CDHR2: variants seen among roughly 807,000 people sequenced by gnomAD.
The protein encoded by CDHR2 is cadherin-related family member 2.
A neutral mutation model predicts 138.6 loss-of-function variants in CDHR2; 104 were observed. That is an observed-to-expected ratio of 0.75 (90% CI 0.64 to 0.88). The LOEUF (loss-of-function observed/expected upper bound fraction) is 0.88. CDHR2 is among the 40% of genes least tolerant of loss of function. The probability of loss-of-function intolerance (pLI) is 0.00; values close to 1 mark genes in which losing one functional copy is unlikely to be tolerated. For missense variants in CDHR2, 1,624 were observed against 1,727.6 expected (o/e 0.94, Z 1.06); for synonymous variants, 755 against 742.8 (o/e 1.02, Z -0.27).
chr5:176,567,156 G>T (rs1758103717), intron 3 of CDHR2: 10 of 364,114 alleles, frequency 2.7e-5, no homozygotes, highest in South Asian at 2.1e-4. Flanking sequence ...GGCTGGAGAG[G>T]GAGGAGTGCA....
intron 1 of CDHR2, among the ~76,000 whole-genome samples, chr5:176,557,608 CGGGCT>C (rs2113263218): frequency 1.4e-5 from 2 of 145,986 alleles, no homozygotes; most frequent in South Asian, 4.3e-4. Flanking sequence ...CTCTGTCGCC[CGGGCT>C]GGAGTGCAGT....
chr5:176,544,940 G>C (rs561398663), upstream of CDHR2, among the ~76,000 whole-genome samples: 160 of 152,312 alleles, frequency 1.1e-3, no homozygotes, highest in African/African-American at 3.6e-3. Flanking sequence ...CTCTAAGGCT[G>C]TGCACTAGGT....
chr5:176,557,031 T>A (rs1276279957), intron 1 of CDHR2, among the ~76,000 whole-genome samples: 4 of 134,414 alleles, frequency 3.0e-5, no homozygotes, highest in Admixed American at 8.4e-5. Context: ...TTTTTTTTTT[T>A]AGCAGTGGAT....
At chr5:176,557,560 A>ATTTTTTTTT (rs5873538) in intron 1 of CDHR2, among the ~76,000 whole-genome samples, 4 of 87,428 alleles carry the variant, frequency 4.6e-5, no homozygotes, top group African/African-American at 9.3e-5. Context: ...ACCTTCTTAG[A>ATTTTTTTTT]TTTTTTTTTT....
intron 30 of CDHR2, 99 bp from the exon 31 acceptor site, chr5:176,592,597 GGTGGTGATGGTGATGATGGTGGTAGTC>G (rs1265705442): frequency 5.3e-6 from 4 of 747,866 alleles, no homozygotes; most frequent in African/African-American, 5.1e-5. Flanking sequence ...TGATGGTGGT[GGTGGTGATGGTGATGATGGTGGTAGTC>G]GTGGTGATGG....
Position 176,571,270 on chromosome 5 carries a change from C to T in CDHR2, c.373C>T (p.Gln125Ter), listed in dbSNP as rs201052984. The change falls in exon 6 of 32, where the codon CAG becomes TAG. Residue 125 changes from glutamine to a stop codon, truncating the protein, a stop_gained. Coordinates refer to ENST00000261944, the MANE Select transcript of CDHR2 (RefSeq NM_017675.6). LOFTEE classifies it high-confidence loss of function. The stretch of plus-strand genomic sequence containing the variant: ...TAGAAACGACAACGCACCCGTTTTC[C>T]AGAACACCGCTTTCTCCACCAGCAT... Reference protein sequence around the residue: ...EDRNDNAPVFQNTAFSTSINE... With the variant: ...EDRNDNAPVF The T allele has an allele frequency of 1.2e-6, 2 of 1,611,316 alleles. No homozygotes were observed. Among genetic ancestry groups the T allele is most frequent in the East Asian group, 4.5e-5 (2 of 44,622 alleles).
intron 31 of CDHR2, among the ~76,000 whole-genome samples, chr5:176,594,079 A>G (rs1758956021): frequency 6.6e-6 from 1 of 151,912 alleles, no homozygotes; most frequent in African/African-American, 2.4e-5. Flanking sequence ...GGAGTTAAGG[A>G]CCCCCTGAGG....
rs1227789409 is a variant in CDHR2, at chr5:176,553,723, C to G, written c.-16+4309C>G. ...CTCACCTGCGTCTCCACCGCCAGCC[C>G]CGCCACCACCACCATCTCCCTCCCC... On this transcript the variant is annotated intron_variant, in intron 1 of 31. Transcript: ENST00000261944. This position sits in a 1 kb window ranked among gnomAD's most constrained non-coding sequence, Gnocchi z 4.3. 1.3e-5 allele frequency among the ~76,000 whole-genome samples: 2 copies of G among 152,054 alleles called. No individual in the cohort carries two copies. The highest frequency in any genetic ancestry group is 2.9e-5 in the Non-Finnish European group (2 of 67,974).
At chr5:176,568,626 C>G in intron 3 of CDHR2, 52 bp from the exon 4 acceptor site, 1 of 1,599,562 alleles carries the variant, frequency 6.3e-7, no homozygotes, top group Non-Finnish European at 8.5e-7. Context: ...TTGGCCAGAC[C>G]AGCACTGAAA....
At chr5:176,592,471 G>T (rs1758906447) in intron 30 of CDHR2, among the ~76,000 whole-genome samples, 2 of 141,972 alleles carry the variant, frequency 1.4e-5, no homozygotes, top group Non-Finnish European at 3.1e-5. Context: ...GGTGGTGTTG[G>T]TGTTGAGGTG....
chr5:176,547,733 C>G (rs1436235087), upstream of CDHR2: 2 of 152,060 alleles, frequency 1.3e-5, no homozygotes, highest in Non-Finnish European at 2.9e-5. Context: ...CAGCTCAAGA[C>G]AAGTATTTTA....
intron 7 of CDHR2, among the ~76,000 whole-genome samples, chr5:176,574,397 G>T (rs1581140455): frequency 6.6e-6 from 1 of 152,170 alleles, no homozygotes; most frequent in Non-Finnish European, 1.5e-5. Flanking sequence ...CTTCCTGCCC[G>T]CCTGCTCCCA....
intron 1 of CDHR2, among the ~76,000 whole-genome samples, chr5:176,551,091 C>T (rs914546743): frequency 1.3e-5 from 2 of 152,334 alleles, no homozygotes; most frequent in South Asian, 2.1e-4. Context: ...TCACTGCAAC[C>T]TGTGCCTCCC....
chr5:176,584,489 G>C lies in CDHR2; in HGVS notation c.2208G>C (p.Gly736=). ...ACCGCATCAGCTTCAGCCTGTCGGG[G>C]AGTGGTGCCAACTACTTCATGATCC... ...ANNRISFSLS[G]SGANYFMIRG... Residue 736 remains glycine, a synonymous_variant, in exon 19 of 32, where the codon GGG becomes GGC. Transcript: ENST00000261944. 6.2e-7 allele frequency: 1 copy of C among 1,613,282 alleles called. No individual in the cohort carries two copies. Among genetic ancestry groups the C allele is most frequent in the South Asian group, 1.1e-5 (1 of 90,926 alleles).
Position 176,584,794 on chromosome 5 carries a change from C to G in CDHR2, c.2513C>G (p.Thr838Ser). ...VAVVVASDVD[T>S]SAQLEIQLVN... is the part of the protein sequence containing the mutation. ...GTGGTGGTTGCCTCGGATGTGGACA[C>G]CAGTGCCCAGCTGGAGATACAGCTT... The change falls in exon 19 of 32, where the codon ACC becomes AGC. Residue 838 changes from threonine to serine, a missense_variant. Thr to Ser is a moderately conservative substitution (Grantham distance 58). Around this residue, in one of 3 missense-constraint regions of CDHR2, gnomAD observed 1,061 missense variants for 1,136.6 expected, o/e 0.93. Transcript: ENST00000261944. 6.2e-7 allele frequency: 1 copy of G among 1,614,184 alleles called. No individual in the cohort carries two copies.
At chr5:176,545,570 T>C (rs1757569808), upstream of CDHR2, among the ~76,000 whole-genome samples, 2 of 152,260 alleles carry the variant, frequency 1.3e-5, no homozygotes. Flanking sequence ...TGCTAAGTGC[T>C]GTCATGCATT....
chr5:176,565,984 A>G (rs1383897918), intron 3 of CDHR2, among the ~76,000 whole-genome samples: 5 of 152,074 alleles, frequency 3.3e-5, no homozygotes, highest in Non-Finnish European at 7.4e-5. Flanking sequence ...GCGCCAAATC[A>G]TCCGGCCTCC....
chr5:176,580,771 G>A (rs910258332), intron 16 of CDHR2, among the ~76,000 whole-genome samples: 4 of 152,122 alleles, frequency 2.6e-5, no homozygotes, highest in Non-Finnish European at 5.9e-5. Flanking sequence ...CAGCTACTTA[G>A]GAGGCTGAGG....
rs1187612990 is a variant in CDHR2, at chr5:176,590,706, C to G, written c.3539+19C>G. ...GGAAGAGGTGCGGCTCCCATTGCCC[C>G]CGTGTCTCCAACCTTCACCCTCTCC... On this transcript the variant is annotated intron_variant, in intron 28 of 31. Coordinates refer to ENST00000261944, the MANE Select transcript of CDHR2 (RefSeq NM_017675.6). 1 of 1,612,338 alleles carries G rather than the reference C, an allele frequency of 6.2e-7. No individual in the cohort carries two copies. Among genetic ancestry groups the G allele is most frequent in the African/African-American group, 1.3e-5 (1 of 74,968 alleles).
Sources: allele counts gnomAD v4.1 joint callset (sites outside exome capture counted in the v4.1 genomes callset), GRCh38; gene constraint gnomAD v4.1.1; regional missense constraint gnomAD v4.1.1; non-coding constraint Gnocchi (gnomAD v3.1); transcripts MANE v1.5; gene names NCBI Gene and HGNC (gene_info 2026-07-23, HGNC 2026-07-21).